Variants in LRFN5 observed in about 807,000 individuals in gnomAD.
LRFN5 encodes the protein leucine rich repeat and fibronectin type III domain containing 5.
Under a neutral mutation model 45.6 loss-of-function variants are expected in LRFN5, and 24 were observed. That is an observed-to-expected ratio of 0.53 (90% CI 0.38 to 0.74). LRFN5 has a LOEUF of 0.74. Among genes scored for constraint, LRFN5 ranks in the 30% least tolerant of loss-of-function variants. The probability of loss-of-function intolerance (pLI) is 0.00; values close to 1 mark genes in which losing one functional copy is unlikely to be tolerated. For synonymous variants in LRFN5, 340 were observed against 313.8 expected (o/e 1.08, Z -0.88); for missense variants, 776 against 861.5 (o/e 0.90, Z 1.24).
chr14:41,850,584 TAAA>T (rs1419299717), intron 2 of LRFN5, among the ~76,000 whole-genome samples: 1 of 151,864 alleles, frequency 6.6e-6, no homozygotes, highest in Non-Finnish European at 1.5e-5. Flanking sequence ...CAAAAAGAGA[TAAA>T]AAGGTAAATA....
intron 1 of LRFN5, among the ~76,000 whole-genome samples, chr14:41,692,619 A>G (rs564720520): frequency 4.1e-4 from 63 of 151,982 alleles, no homozygotes; most frequent in Admixed American, 9.8e-4. Flanking sequence ...CCTGTGTCCA[A>G]GGGTTCTCAT....
intron 1 of LRFN5, among the ~76,000 whole-genome samples, chr14:41,708,059 T>G (rs921903314): frequency 6.6e-6 from 1 of 152,028 alleles, no homozygotes; most frequent in African/African-American, 2.4e-5. Flanking sequence ...TCAAAACCAA[T>G]TTTTGATATT....
chr14:41,632,581 C>T (rs1196637337), intron 1 of LRFN5, among the ~76,000 whole-genome samples: 1 of 152,016 alleles, frequency 6.6e-6, no homozygotes, highest in Non-Finnish European at 1.5e-5. Context: ...CCAGCATGGG[C>T]AATAAGAGAG....
rs567224174 is a variant in LRFN5, at chr14:41,710,020, G to A, written c.-196-56834G>A. Among the ~76,000 whole-genome samples the A allele has an allele frequency of 1.4e-3, 217 of 152,022 alleles. 2 individuals carry two copies. The highest frequency in any genetic ancestry group is 1.6e-3 in the Non-Finnish European group (107 of 67,906). On this transcript the variant is annotated intron_variant, in intron 1 of 5. Coordinates refer to ENST00000298119, the MANE Select transcript of LRFN5 (RefSeq NM_152447.5). ...TTTCTCTGAGCATAGACTAACTGGC[G>A]TGTTTCACACTTAATTATTACCTAT...
chr14:41,881,268 A>G (rs1354963713), intron 2 of LRFN5, among the ~76,000 whole-genome samples: 1 of 152,066 alleles, frequency 6.6e-6, no homozygotes, highest in African/African-American at 2.4e-5. Context: ...AGCTGTGAAT[A>G]CCTTTTTATG....
At chr14:41,754,898 A>G (rs1885304952) in intron 1 of LRFN5, among the ~76,000 whole-genome samples, 1 of 151,952 alleles carries the variant, frequency 6.6e-6, no homozygotes, top group Non-Finnish European at 1.5e-5. Context: ...TCTTGTGGGC[A>G]TTTAGTGCTA....
At chr14:41,738,399 G>A (rs1884541760) in intron 1 of LRFN5, among the ~76,000 whole-genome samples, 1 of 152,138 alleles carries the variant, frequency 6.6e-6, no homozygotes, top group Non-Finnish European at 1.5e-5. Context: ...AACCCTGGAA[G>A]AAAACCTAGG....
At chr14:41,871,161 A>G (rs1027309841) in intron 2 of LRFN5, among the ~76,000 whole-genome samples, 4 of 152,190 alleles carry the variant, frequency 2.6e-5, no homozygotes, top group Non-Finnish European at 5.9e-5. Flanking sequence ...CCTAGGGACA[A>G]AAGTAGATAC....
At chr14:41,733,991 A>T in intron 1 of LRFN5, among the ~76,000 whole-genome samples, 1 of 142,290 alleles carries the variant, frequency 7.0e-6, no homozygotes, top group Non-Finnish European at 1.5e-5. Context: ...TGCTGTGTTT[A>T]TATATGTATA....
At chr14:41,889,124 A>G (rs1220144777) in intron 3 of LRFN5, among the ~76,000 whole-genome samples, 2 of 150,318 alleles carry the variant, frequency 1.3e-5, no homozygotes, top group East Asian at 3.9e-4. Flanking sequence ...CTATATATAT[A>G]TATATATTCT....
At chr14:41,902,499 C>T (rs1374137722) in intron 5 of LRFN5, among the ~76,000 whole-genome samples, 1 of 151,816 alleles carries the variant, frequency 6.6e-6, no homozygotes, top group East Asian at 1.9e-4. Context: ...AATATTGCTA[C>T]ATCTTCAGAG....
chr14:41,765,265 C>G (rs1235020070), intron 1 of LRFN5, among the ~76,000 whole-genome samples: 1 of 151,442 alleles, frequency 6.6e-6, no homozygotes, highest in Non-Finnish European at 1.5e-5. Flanking sequence ...TGGCGTGAAC[C>G]CGGGAGGCGG....
At chr14:41,884,700 AC>A (rs998905494) in intron 2 of LRFN5, among the ~76,000 whole-genome samples, 2 of 152,048 alleles carry the variant, frequency 1.3e-5, no homozygotes, top group Non-Finnish European at 2.9e-5. Flanking sequence ...CCTCCATTTA[AC>A]CCAAAATTCA....
rs375936109 is a variant in LRFN5 at position 41,824,482 on chromosome 14, C to G, written c.-21+57453C>G. Among the ~76,000 whole-genome samples, 13 of 152,160 alleles carry G rather than the reference C, an allele frequency of 8.5e-5. No homozygotes were observed. The East Asian group carries it at 9.6e-4, about 11-fold the overall frequency. The stretch of plus-strand genomic sequence containing the variant: ...AAATCTCAGTTGTAGTAGTGATGCA[C>G]TGGTTGTATGAGCAGACTGACTACC... On this transcript the variant is annotated intron_variant, in intron 2 of 5. Transcript: ENST00000298119.
intron 1 of LRFN5, among the ~76,000 whole-genome samples, chr14:41,640,174 G>A (rs553889797): frequency 2.5e-4 from 38 of 151,732 alleles, no homozygotes; most frequent in African/African-American, 8.7e-4. Context: ...TATCAGAGGT[G>A]GAAACATATT....
At chr14:41,822,624 G>C (rs1378349031) in intron 2 of LRFN5, among the ~76,000 whole-genome samples, 2 of 151,950 alleles carry the variant, frequency 1.3e-5, no homozygotes, top group African/African-American at 4.8e-5. Context: ...ATATTCTGTT[G>C]TTGGGAACAA....
intron 1 of LRFN5, among the ~76,000 whole-genome samples, chr14:41,691,608 T>G (rs1882381722): frequency 6.6e-6 from 1 of 152,088 alleles, no homozygotes; most frequent in Non-Finnish European, 1.5e-5. Context: ...TTTAAAATTT[T>G]TGGTTATATT....
At chr14:41,831,185 A>G (rs1888465457) in intron 2 of LRFN5, among the ~76,000 whole-genome samples, 1 of 152,204 alleles carries the variant, frequency 6.6e-6, no homozygotes, top group Non-Finnish European at 1.5e-5. Flanking sequence ...AAAGAATACA[A>G]AGAGGATATG....
At chr14:41,721,088 G>A (rs10142030) in intron 1 of LRFN5, among the ~76,000 whole-genome samples, 53,341 of 151,980 alleles carry the variant, frequency 0.35, 9,922 homozygotes, top group African/African-American at 0.48. Flanking sequence ...TATATATTTA[G>A]AATAGTTAAG....
Sources: allele counts gnomAD v4.1 joint callset (sites outside exome capture counted in the v4.1 genomes callset), GRCh38; gene constraint gnomAD v4.1.1; transcripts MANE v1.5; gene names NCBI Gene and HGNC (gene_info 2026-07-23, HGNC 2026-07-21).